The following MCF2L variants were observed in gnomAD, a reference collection of about 807,000 sequenced individuals.
The protein encoded by MCF2L is guanine nucleotide exchange factor DBS.
In MCF2L, 97 loss-of-function variants were observed where a neutral mutation model predicts 153.4. The observed-to-expected ratio is 0.63, with a 90% CI of 0.54 to 0.75. The LOEUF (loss-of-function observed/expected upper bound fraction) is 0.75, where lower values mean the gene tolerates loss of function less well. Among genes scored for constraint, MCF2L ranks in the 30% least tolerant of loss-of-function variants. The pLI is 0.00. For synonymous variants in MCF2L, 659 were observed against 632.2 expected (o/e 1.04, Z -0.64); for missense variants, 1,347 against 1,495.2 (o/e 0.90, Z 1.64).
At chr13:112,921,577 A>C (rs2081353275) in intron 2 of MCF2L, among the ~76,000 whole-genome samples, 2 of 152,252 alleles carry the variant, frequency 1.3e-5, no homozygotes, top group African/African-American at 4.8e-5. Context: ...AGAGTCGGTC[A>C]ACCTGCGAAC....
chr13:113,030,240 C>A (rs970897803), intron 3 of MCF2L, among the ~76,000 whole-genome samples: 2 of 151,480 alleles, frequency 1.3e-5, no homozygotes, highest in African/African-American at 4.8e-5. Context: ...CTCAGGTGTC[C>A]GCTGACGCAG....
intron 1 of MCF2L, among the ~76,000 whole-genome samples, chr13:112,973,195 C>T (rs934908954): frequency 6.6e-5 from 10 of 152,204 alleles, no homozygotes; most frequent in Non-Finnish European, 7.3e-5. Context: ...TCCCCTCTCA[C>T]GCCTCTGCCT....
intron 15 of MCF2L, among the ~76,000 whole-genome samples, chr13:113,079,730 C>T (rs958769732): frequency 6.6e-6 from 1 of 151,966 alleles, no homozygotes; most frequent in East Asian, 1.9e-4. Flanking sequence ...TGCCAAGAAG[C>T]GTCCAGGCAG....
intron 2 of MCF2L, among the ~76,000 whole-genome samples, chr13:112,942,582 C>T (rs1241561086): frequency 1.3e-5 from 2 of 152,196 alleles, no homozygotes; most frequent in African/African-American, 2.4e-5. Flanking sequence ...GGGGAGAAAA[C>T]CCACTGACCC....
chr13:112,952,939 A>G (rs1437913638), intron 2 of MCF2L, among the ~76,000 whole-genome samples: 1 of 152,176 alleles, frequency 6.6e-6, no homozygotes, highest in Non-Finnish European at 1.5e-5. Flanking sequence ...GCCACAAAGC[A>G]GGCGACACTA....
chr13:112,998,237 C>T (rs1408521436), intron 1 of MCF2L, among the ~76,000 whole-genome samples: 2 of 152,252 alleles, frequency 1.3e-5, no homozygotes, highest in African/African-American at 2.4e-5. Context: ...AGTCTCCTCA[C>T]TGCTGTTCTT....
intron 2 of MCF2L, chr13:112,909,398 C>T: frequency 2.7e-6 from 2 of 748,226 alleles, no homozygotes; most frequent in Non-Finnish European, 5.0e-6. Context: ...GCGTTGATCC[C>T]AAGGGGCTGT....
At chr13:112,924,047 C>T (rs185173899) in intron 2 of MCF2L, among the ~76,000 whole-genome samples, 17 of 152,152 alleles carry the variant, frequency 1.1e-4, no homozygotes, top group African/African-American at 2.4e-4. Flanking sequence ...CATACGAGAC[C>T]GGTTTATCCC....
intron 2 of MCF2L, among the ~76,000 whole-genome samples, chr13:112,945,717 G>A (rs961387481): frequency 5.3e-5 from 8 of 152,198 alleles, no homozygotes; most frequent in Admixed American, 2.0e-4. Context: ...GCATCATGGC[G>A]GTTCTGTCTA....
At chr13:113,038,967 C>T (rs2086315479) in intron 3 of MCF2L, among the ~76,000 whole-genome samples, 2 of 152,212 alleles carry the variant, frequency 1.3e-5, no homozygotes, top group Non-Finnish European at 2.9e-5. Context: ...ACGCCATTCT[C>T]CTGCCTTAGC....
At chr13:113,085,215 C>A in intron 20 of MCF2L, 37 bp downstream of exon 20, 1 of 1,588,368 alleles carries the variant, frequency 6.3e-7, no homozygotes, top group Non-Finnish European at 8.6e-7. Flanking sequence ...GCCTCCCCAG[C>A]ACCTGCTGGC....
chr13:113,025,604 C>T (rs112158765), intron 3 of MCF2L, among the ~76,000 whole-genome samples: 3,987 of 54,428 alleles, frequency 0.073, 30 homozygotes, highest in South Asian at 0.16. Context: ...GACTGTGGGT[C>T]GGGGCAGAGT....
At position 112,943,759 on chromosome 13, in the gene MCF2L, A is replaced by T. The variant is rs1056652519; in HGVS notation, c.169+41388A>T. Among the ~76,000 whole-genome samples the T allele has an allele frequency of 2.6e-5, 4 of 151,644 alleles. No individual in the cohort carries two copies. Among genetic ancestry groups the T allele is most frequent in the African/African-American group, 9.7e-5 (4 of 41,198 alleles). On this transcript the variant is annotated intron_variant, in intron 2 of 29. Coordinates refer to the MCF2L transcript ENST00000375608. This position sits in a 1 kb window ranked among gnomAD's most constrained non-coding sequence, Gnocchi z 4.2. ...GGTGGCTCGGCTCGGGCCGGCGGAG[A>T]TCTGGGAGCATTTTCTGGAAGCCTC...
intron 1 of MCF2L, among the ~76,000 whole-genome samples, chr13:112,895,162 C>A (rs570585027): frequency 4.4e-4 from 67 of 152,258 alleles, no homozygotes; most frequent in African/African-American, 1.6e-3. Context: ...GGGCCCCTGG[C>A]CTTGCTTCAG....
chr13:112,945,108 T>C (rs2140685428), intron 2 of MCF2L, among the ~76,000 whole-genome samples: 1 of 152,038 alleles, frequency 6.6e-6, no homozygotes, highest in Non-Finnish European at 1.5e-5. Flanking sequence ...GTCTTGGTGC[T>C]CTATATACAT....
At chr13:112,952,210 C>A (rs1037062601) in intron 2 of MCF2L, among the ~76,000 whole-genome samples, 2 of 152,012 alleles carry the variant, frequency 1.3e-5, no homozygotes, top group African/African-American at 4.8e-5. Flanking sequence ...CAGAGCCGGG[C>A]AGAGGGAGGT....
Position 113,021,458 on chromosome 13 carries a change from C to G in MCF2L, c.164-3186C>G, listed in dbSNP as rs1272918188. 5.9e-5 allele frequency among the ~76,000 whole-genome samples: 9 copies of G among 152,316 alleles called. No homozygotes were observed. In the East Asian group the frequency reaches 1.7e-3, roughly 29 times the overall value. ...TGCGAGAGTTCACATGCAGGTGTGA[C>G]AGGTCTCAGCCAGGACAGTGGTTTT... On this transcript the variant is annotated intron_variant, in intron 2 of 29. Coordinates refer to ENST00000535094, the MANE Select transcript of MCF2L (RefSeq NM_001112732.3).
At position 113,096,357 on chromosome 13, in the gene MCF2L, C is replaced by CTGG; in HGVS notation, c.3076-14_3076-13insTGG. On this transcript the variant is annotated splice_polypyrimidine_tract_variant and intron_variant, in intron 27 of 29. Transcript: ENST00000535094. ...GTGCTGACGCTGTCTGTGCCCCTGC[C>CTGG]CGTCTCCCACCAGGTTCCAGGTAAA... 1 of 1,547,718 alleles carries CTGG rather than the reference C, an allele frequency of 6.5e-7. No individual in the cohort carries two copies. Among genetic ancestry groups the CTGG allele is most frequent in the Non-Finnish European group, 8.8e-7 (1 of 1,142,614 alleles).
intron 1 of MCF2L, among the ~76,000 whole-genome samples, chr13:113,012,322 G>A (rs1471124603): frequency 8.9e-6 from 1 of 112,204 alleles, no homozygotes; most frequent in Non-Finnish European, 2.0e-5. Context: ...TGGACAGGTG[G>A]TGTGGACGGT....
Sources: gnomAD v4.1 joint callset for allele counts (sites outside exome capture counted in the v4.1 genomes callset) on GRCh38, gnomAD v4.1.1 for gene constraint, Gnocchi (gnomAD v3.1) non-coding constraint, MANE v1.5 for transcripts, NCBI Gene and HGNC (gene_info 2026-07-23, HGNC 2026-07-21) for gene names.